Variants in PCDHA6 observed in about 807,000 individuals in gnomAD.
PCDHA6 encodes protocadherin alpha 6.
In PCDHA6, 55 loss-of-function variants were observed where a neutral mutation model predicts 60.3. The observed-to-expected ratio is 0.91, with a 90% CI of 0.73 to 1.14. PCDHA6 has a LOEUF of 1.14. Among genes scored for constraint, PCDHA6 ranks in the 50% most tolerant of loss-of-function variants. The pLI is 0.00. For missense variants in PCDHA6, 1,327 were observed against 1,256.5 expected (o/e 1.06, Z -0.85); for synonymous variants, 652 against 557.9 (o/e 1.17, Z -2.38).
intron 1 of PCDHA6, chr5:140,842,173 T>C: frequency 6.2e-7 from 1 of 1,613,902 alleles, no homozygotes; most frequent in Non-Finnish European, 8.5e-7. Context: ...TTAATAGCCT[T>C]GTTGAAACTA....
At position 140,882,396 on chromosome 5, in the gene PCDHA6, C is replaced by G; in HGVS notation, c.2394+51911C>G. The G allele has an allele frequency of 1.9e-6, 3 of 1,614,196 alleles. No homozygotes were observed. In the South Asian group the frequency reaches 3.3e-5, roughly 18 times the overall value. On this transcript the variant is annotated intron_variant, in intron 1 of 3. Transcript: ENST00000529310. ...GTCCCCGAGGAAGCAAAACACGGCA[C>G]CTTCGTGGGCCGCATCGCTCAGGAC...
At chr5:140,882,556 T>A (rs367760301) in intron 1 of PCDHA6, 11 of 1,614,194 alleles carry the variant, frequency 6.8e-6, no homozygotes, top group Non-Finnish European at 9.3e-6. Flanking sequence ...AGGAGCTGTG[T>A]GGGCGGAGCG....
At chr5:140,832,358 T>A (rs1293168381) in intron 1 of PCDHA6, among the ~76,000 whole-genome samples, 1 of 152,224 alleles carries the variant, frequency 6.6e-6, no homozygotes, top group African/African-American at 2.4e-5. Context: ...TTTCCTAATG[T>A]GAGCATTTTC....
intron 1 of PCDHA6, chr5:140,928,844 C>T (rs782361945): frequency 1.2e-6 from 2 of 1,614,168 alleles, no homozygotes; most frequent in Non-Finnish European, 1.7e-6. Flanking sequence ...TCCTCTGTCA[C>T]TCTGGGTGTG....
intron 1 of PCDHA6, chr5:140,928,010 G>A: frequency 1.2e-6 from 2 of 1,614,168 alleles, no homozygotes; most frequent in Non-Finnish European, 1.7e-6. Context: ...GATTCTAATG[G>A]TAGGGTCATT....
rs745800805 is a variant in PCDHA6, at chr5:140,935,890, T to C, written c.2395-43059T>C. 2.5e-4 allele frequency among the ~76,000 whole-genome samples: 34 copies of C among 135,750 alleles called. 1 individual carries two copies. Among genetic ancestry groups the C allele is most frequent in the Non-Finnish European group, 4.4e-4 (27 of 61,954 alleles). 89.1% of individuals were successfully genotyped at this position (135,750 alleles called of 152,430 possible). A position where few individuals can be genotyped will look rare whatever the true frequency, so the allele number is the denominator to read the frequency against. On this transcript the variant is annotated intron_variant, in intron 1 of 3. Coordinates refer to ENST00000529310, the MANE Select transcript of PCDHA6 (RefSeq NM_018909.4). ...ATTAATGAGCTCCAATTTATCAATA[T>C]TATCTTTTTTTTTTTTTTTTGAGAC...
chr5:140,980,395 G>T (rs182782153), intron 2 of PCDHA6, among the ~76,000 whole-genome samples: 4 of 152,316 alleles, frequency 2.6e-5, no homozygotes, highest in Non-Finnish European at 5.9e-5. Context: ...ACTTTGGGAG[G>T]CCGAGGTGGG....
At chr5:140,990,512 CTT>C (rs1323641272) in intron 3 of PCDHA6, among the ~76,000 whole-genome samples, 1 of 152,202 alleles carries the variant, frequency 6.6e-6, no homozygotes, top group African/African-American at 2.4e-5. Context: ...AGTCTTCTCT[CTT>C]GTCTTTTTTG....
rs549444106 is a variant in PCDHA6 at position 140,953,999 on chromosome 5, T to C, written c.2395-24950T>C. Among the ~76,000 whole-genome samples the C allele has an allele frequency of 1.1e-4, 16 of 152,294 alleles. No homozygotes were observed. In the South Asian group the frequency reaches 3.3e-3, roughly 32 times the overall value. ...CCCTTCATATTTTCATGTGTACTCA[T>C]CATTCAGCTCCCACACATAGTGGGA... is the stretch of plus-strand genomic sequence containing the variant. On this transcript the variant is annotated intron_variant, in intron 1 of 3. Transcript: ENST00000529310.
rs374310903 is a variant in PCDHA6 at position 140,968,575 on chromosome 5, G to A, written c.2395-10374G>A. 16 of 1,614,016 alleles carry A rather than the reference G, an allele frequency of 9.9e-6. No homozygotes were observed. In the African/African-American group the frequency reaches 2.1e-4, roughly 22 times the overall value. ...CTCGAACTGCCCCTGCTGGCTACCT[G>A]GTCACCAAAGTCATAGCTATGGACT... On this transcript the variant is annotated intron_variant, in intron 1 of 3. Transcript: ENST00000529310.
At chr5:140,883,416 G>A (rs782422692) in intron 1 of PCDHA6, 3 of 1,614,158 alleles carry the variant, frequency 1.9e-6, no homozygotes, top group East Asian at 2.2e-5. Context: ...GGCTCAAATG[G>A]ACAGGTCACC....
intron 1 of PCDHA6, chr5:140,869,579 A>T: frequency 8.1e-6 from 13 of 1,614,178 alleles, no homozygotes; most frequent in Non-Finnish European, 1.0e-5. Context: ...GGAGCTTCTG[A>T]TGCTGACATT....
chr5:140,857,187 C>A (rs202051639), intron 1 of PCDHA6: 1 of 1,598,516 alleles, frequency 6.3e-7, no homozygotes, highest in East Asian at 2.2e-5. Context: ...GATTCAGGAG[C>A]CAACGGACAG....
chr5:140,917,948 A>AT (rs1443419626), intron 1 of PCDHA6, among the ~76,000 whole-genome samples: 16 of 151,986 alleles, frequency 1.1e-4, no homozygotes, highest in African/African-American at 3.9e-4. Flanking sequence ...TGGTAGTTTG[A>AT]TAGGAACATC....
At chr5:140,896,114 G>A (rs1165904850) in intron 1 of PCDHA6, among the ~76,000 whole-genome samples, 1 of 152,030 alleles carries the variant, frequency 6.6e-6, no homozygotes, top group Non-Finnish European at 1.5e-5. Context: ...CCTGGCCAAT[G>A]TACTGCATTT....
chr5:140,928,733 A>G (rs1435823697), intron 1 of PCDHA6: 2 of 1,614,100 alleles, frequency 1.2e-6, no homozygotes, highest in Non-Finnish European at 1.7e-6. Context: ...ATTTCAGCCA[A>G]TATAGGTGAG....
chr5:140,901,148 CA>C (rs1244292469), intron 1 of PCDHA6, among the ~76,000 whole-genome samples: 17 of 152,076 alleles, frequency 1.1e-4, no homozygotes, highest in Non-Finnish European at 2.4e-4. Context: ...TATTTTCTCT[CA>C]ATCTGTGGGT....
rs2150482773 is a variant in PCDHA6, at chr5:140,850,408, A to G, written c.2394+19923A>G. The G allele has an allele frequency of 6.3e-6, 10 of 1,597,776 alleles. 1 individual carries two copies. The South Asian group carries it at 9.9e-5, about 16-fold the overall frequency. ...GAGATCAGCACAACGCGTGCCCTGG[A>G]CGAAACGGACGCACCGCGCCAGCGC... On this transcript the variant is annotated intron_variant, in intron 1 of 3. Coordinates refer to ENST00000529310, the MANE Select transcript of PCDHA6 (RefSeq NM_018909.4).
intron 1 of PCDHA6, chr5:140,968,168 A>T (rs145694919): frequency 3.1e-6 from 5 of 1,614,098 alleles, no homozygotes; most frequent in Non-Finnish European, 4.2e-6. Context: ...CAATCCACCA[A>T]GCTTCCTGGA....
Sources: allele counts gnomAD v4.1 joint callset (sites outside exome capture counted in the v4.1 genomes callset), GRCh38; gene constraint gnomAD v4.1.1; transcripts MANE v1.5; gene names NCBI Gene and HGNC (gene_info 2026-07-23, HGNC 2026-07-21).